Variants in DHX32 observed in about 807,000 individuals in gnomAD.
DHX32 encodes the protein DEAH-box helicase 32 (putative).
In DHX32, 51 loss-of-function variants were observed where a neutral mutation model predicts 70.0. The observed-to-expected ratio is 0.73, with a 90% CI of 0.58 to 0.92. DHX32 has a LOEUF of 0.92. DHX32 is among the 40% of genes least tolerant of loss of function. The pLI is 0.00. For missense variants in DHX32, 762 were observed against 891.8 expected (o/e 0.85, Z 1.85); for synonymous variants, 310 against 315.3 (o/e 0.98, Z 0.18).
intron 1 of DHX32, among the ~76,000 whole-genome samples, chr10:125,867,596 C>T (rs1016609654): frequency 9.9e-5 from 15 of 152,084 alleles, no homozygotes; most frequent in East Asian, 3.9e-4. Flanking sequence ...ATTAGCTAGG[C>T]GTGGTGGCGG....
rs1366103098 is a variant in DHX32, at chr10:125,836,847, T to C, written c.2072A>G (p.Gln691Arg). The change falls in exon 11 of 11, where the codon CAG becomes CGG. Residue 691 changes from glutamine (Q) to arginine (R), a missense_variant. Physicochemically the swap from Gln to Arg is conservative, Grantham distance 43. Coordinates refer to ENST00000284690, the MANE Select transcript of DHX32 (RefSeq NM_018180.3). The part of the protein sequence containing the change: ...TSEISPELFM[Q>R]LVPQYYFSNL... ...ACTGAAATAGTATTGTGGTACCAGC[T>C]GCATAAATCTGTTTATTTAAGACAA... 1 of 1,614,012 alleles carries C rather than the reference T, an allele frequency of 6.2e-7. No individual in the cohort carries two copies. The highest frequency in any genetic ancestry group is 1.1e-5 in the South Asian group (1 of 91,046).
upstream of DHX32, among the ~76,000 whole-genome samples, chr10:125,885,709 G>C (rs149061119): frequency 2.2e-3 from 339 of 152,222 alleles, 1 homozygote; most frequent in African/African-American, 7.9e-3. Flanking sequence ...CTCAATTTAT[G>C]GTAATTTCTT....
At chr10:125,862,178 G>A (rs1944194125) in intron 2 of DHX32, among the ~76,000 whole-genome samples, 1 of 152,180 alleles carries the variant, frequency 6.6e-6, no homozygotes, top group African/African-American at 2.4e-5. Context: ...TGTTGTCACT[G>A]TCAAATTATA....
intron 1 of DHX32, among the ~76,000 whole-genome samples, chr10:125,878,710 G>T (rs986726746): frequency 3.4e-5 from 5 of 147,344 alleles, no homozygotes; most frequent in Middle Eastern, 3.4e-3. Flanking sequence ...GTTTTGTTTT[G>T]TTTTCTTTTT....
chr10:125,871,824 T>C (rs982278666), intron 1 of DHX32, among the ~76,000 whole-genome samples: 2 of 152,114 alleles, frequency 1.3e-5, no homozygotes, highest in African/African-American at 4.8e-5. Context: ...GTATCTCTTG[T>C]TGGTATTGAC....
intron 3 of DHX32, among the ~76,000 whole-genome samples, chr10:125,858,224 A>G (rs528419817): frequency 2.6e-5 from 4 of 152,196 alleles, no homozygotes; most frequent in African/African-American, 9.6e-5. Context: ...TCACCTGGCA[A>G]TTCTGACTCT....
At chr10:125,895,479 T>C (rs1355498704) in intron 1 of DHX32, among the ~76,000 whole-genome samples, 3 of 152,222 alleles carry the variant, frequency 2.0e-5, no homozygotes, top group African/African-American at 7.2e-5. Flanking sequence ...TCCATTTTTC[T>C]TTCCTCCTTC....
chr10:125,857,808 C>A (rs1944157940), intron 3 of DHX32, among the ~76,000 whole-genome samples: 1 of 152,046 alleles, frequency 6.6e-6, no homozygotes, highest in Non-Finnish European at 1.5e-5. Flanking sequence ...TTTTGCTTAC[C>A]CTGACTTGAA....
intron 1 of DHX32, among the ~76,000 whole-genome samples, chr10:125,879,103 A>C (rs1173230687): frequency 7.4e-6 from 1 of 134,548 alleles, no homozygotes; most frequent in African/African-American, 2.9e-5. Flanking sequence ...GGCTCACTGC[A>C]GCCTTGACCT....
intron 2 of DHX32, among the ~76,000 whole-genome samples, chr10:125,864,429 G>A (rs765764071): frequency 6.6e-6 from 1 of 152,156 alleles, no homozygotes; most frequent in African/African-American, 2.4e-5. Context: ...AACTGTCCCT[G>A]TTAAGAAAGG....
At chr10:125,869,211 T>A (rs1944241395) in intron 1 of DHX32, 1 of 152,196 alleles carries the variant, frequency 6.6e-6, no homozygotes, top group African/African-American at 2.4e-5. Context: ...GGGTCCACTA[T>A]CTAGGGTCCC....
chr10:125,876,807 A>G lies in DHX32; in HGVS notation c.282+3736T>C, dbSNP rs530790897. On this transcript the variant is annotated intron_variant, in intron 1 of 10. Coordinates refer to ENST00000284690, the MANE Select transcript of DHX32 (RefSeq NM_018180.3). Reference sequence around the variant, plus strand: ...ATTTTAGATTGGATTTTGGACCAGAAAAACAATTTTTTTCAGTGATTATAA... The same window carrying G: ...ATTTTAGATTGGATTTTGGACCAGAGAAACAATTTTTTTCAGTGATTATAA... 8.5e-5 allele frequency among the ~76,000 whole-genome samples: 13 copies of G among 152,354 alleles called. No homozygotes were observed. The South Asian group carries it at 2.3e-3, about 27-fold the overall frequency.
At chr10:125,878,028 T>C (rs1944294366) in intron 1 of DHX32, among the ~76,000 whole-genome samples, 1 of 152,222 alleles carries the variant, frequency 6.6e-6, no homozygotes, top group African/African-American at 2.4e-5. Flanking sequence ...AAAATACTGG[T>C]TGCTTGCTTT....
At chr10:125,889,607 A>G (rs1343369701) in intron 1 of DHX32, among the ~76,000 whole-genome samples, 1 of 152,276 alleles carries the variant, frequency 6.6e-6, no homozygotes, top group Non-Finnish European at 1.5e-5. Context: ...GTTTAGTGAC[A>G]TCGCCTATTT....
At chr10:125,872,521 T>C (rs1399005559) in intron 1 of DHX32, among the ~76,000 whole-genome samples, 1 of 152,248 alleles carries the variant, frequency 6.6e-6, no homozygotes, top group Non-Finnish European at 1.5e-5. Context: ...TATTTTCATG[T>C]GATTTATCCT....
chr10:125,860,996 G>C (rs1285595494), intron 2 of DHX32, among the ~76,000 whole-genome samples: 1 of 151,568 alleles, frequency 6.6e-6, no homozygotes, highest in Non-Finnish European at 1.5e-5. Context: ...TTGTGATCCA[G>C]CCACCTTGGC....
At chr10:125,885,466 A>G (rs562602875), upstream of DHX32, among the ~76,000 whole-genome samples, 19 of 152,146 alleles carry the variant, frequency 1.2e-4, no homozygotes, top group Non-Finnish European at 2.6e-4. Context: ...AGAGGAAAAT[A>G]TGACTATGGA....
intron 3 of DHX32, among the ~76,000 whole-genome samples, chr10:125,858,139 G>A (rs1221684180): frequency 1.3e-5 from 2 of 151,948 alleles, no homozygotes; most frequent in African/African-American, 4.8e-5. Flanking sequence ...GGCCTCACGT[G>A]ATCCTCCCGC....
chr10:125,837,238 A>G (rs1854720733), intron 10 of DHX32, among the ~76,000 whole-genome samples: 1 of 151,900 alleles, frequency 6.6e-6, no homozygotes, highest in Non-Finnish European at 1.5e-5. Context: ...AACTAGTACC[A>G]CTCCACATCC....
Sources: allele counts gnomAD v4.1 joint callset (sites outside exome capture counted in the v4.1 genomes callset), GRCh38; gene constraint gnomAD v4.1.1; transcripts MANE v1.5; gene names NCBI Gene and HGNC (gene_info 2026-07-23, HGNC 2026-07-21).